DENND2C: variants seen among roughly 807,000 people sequenced by gnomAD.
DENND2C encodes the protein DENN domain-containing protein 2C.
Under a neutral mutation model 112.4 loss-of-function variants are expected in DENND2C, and 72 were observed. The observed-to-expected ratio is 0.64, with a 90% CI of 0.53 to 0.78. The LOEUF (loss-of-function observed/expected upper bound fraction) is 0.78. DENND2C is among the 30% of genes least tolerant of loss of function. The pLI is 0.00. For synonymous variants in DENND2C, 329 were observed against 381.6 expected, an observed-to-expected ratio of 0.86 and a Z score of 1.61; for missense variants, 992 against 1,113.8, an observed-to-expected ratio of 0.89 and a Z score of 1.56.
At chr1:114,647,058 G>A (rs2101685840) in intron 2 of DENND2C, among the ~76,000 whole-genome samples, 1 of 152,168 alleles carries the variant, frequency 6.6e-6, no homozygotes, top group South Asian at 2.1e-4. Flanking sequence ...TACTCAGGGG[G>A]CTGACGCAGG....
At chr1:114,634,110 G>A (rs1422519709) in intron 3 of DENND2C, among the ~76,000 whole-genome samples, 3 of 152,108 alleles carry the variant, frequency 2.0e-5, no homozygotes, top group Non-Finnish European at 4.4e-5. Flanking sequence ...CCTAATAAGA[G>A]TTTCAAAAAT....
intron 3 of DENND2C, among the ~76,000 whole-genome samples, chr1:114,638,417 G>T (rs906181899): frequency 6.6e-6 from 1 of 152,090 alleles, no homozygotes; most frequent in Admixed American, 6.6e-5. Context: ...TGGATACATT[G>T]GACTTCATCA....
chr1:114,650,303 A>G (rs943954380), intron 2 of DENND2C, among the ~76,000 whole-genome samples: 1 of 151,358 alleles, frequency 6.6e-6, no homozygotes, highest in Non-Finnish European at 1.5e-5. Flanking sequence ...AACCTGGGCA[A>G]TAAGAGCGAA....
Position 114,598,337 on chromosome 1 carries a change from G to C in DENND2C, c.2283+937C>G, listed in dbSNP as rs549703170. 1.4e-4 allele frequency among the ~76,000 whole-genome samples: 21 copies of C among 152,254 alleles called. No individual in the cohort carries two copies. In the South Asian group the frequency reaches 4.4e-3, roughly 32 times the overall value. On this transcript the variant is annotated intron_variant, in intron 16 of 20. Transcript: ENST00000393274. ...CTCATCAACATAGATTAATCTTACA[G>C]ATATAATGTTGAGAAAAAGAAGCCA...
At chr1:114,669,143 G>A (rs1245486957) in intron 1 of DENND2C, among the ~76,000 whole-genome samples, 1 of 152,092 alleles carries the variant, frequency 6.6e-6, no homozygotes, top group Non-Finnish European at 1.5e-5. Flanking sequence ...CTAGCTTTAG[G>A]GTAAACGTTT....
rs545198438 is a variant in DENND2C at position 114,655,629 on chromosome 1, G to A, written c.-573-868C>T. ...CTCCCGAGTAGCTGGGATTACAGGC[G>A]CCCACCACCATGCCCAGCTAATCTT... On this transcript the variant is annotated intron_variant, in intron 1 of 20. Transcript: ENST00000393274. 9.2e-5 allele frequency among the ~76,000 whole-genome samples: 14 copies of A among 151,778 alleles called. No homozygotes were observed. The South Asian group carries it at 1.0e-3, about 11-fold the overall frequency.
At chr1:114,608,146 A>G (rs1294060690) in intron 10 of DENND2C, among the ~76,000 whole-genome samples, 2 of 152,058 alleles carry the variant, frequency 1.3e-5, no homozygotes, top group Non-Finnish European at 2.9e-5. Context: ...GTGTGGTGGC[A>G]CACGCCTGTA....
In DENND2C at chr1:114,585,375, A is replaced by T; in HGVS notation, c.*225T>A. 1 of 449,830 alleles carries T rather than the reference A, an allele frequency of 2.2e-6. No homozygotes were observed. The highest frequency in any genetic ancestry group is 4.0e-6 in the Non-Finnish European group (1 of 249,014). 27.9% of individuals were successfully genotyped at this position (449,830 alleles called of 1,614,324 possible). ...CATAGAAAAGGCTGCTATAAAAAAA[A>T]AATGGAGACAGAGTAAAGATGGCAT... On this transcript the variant is annotated 3_prime_UTR_variant, in exon 21 of 21. Coordinates refer to ENST00000393274, the MANE Select transcript of DENND2C (RefSeq NM_001256404.2).
chr1:114,591,702 T>TGA (rs913061426), intron 18 of DENND2C, among the ~76,000 whole-genome samples: 7 of 151,936 alleles, frequency 4.6e-5, no homozygotes, highest in African/African-American at 1.7e-4. Flanking sequence ...ACTGTTTTAT[T>TGA]GACATAAAAT....
At chr1:114,608,971 G>C in intron 9 of DENND2C, 98 bp from the exon 10 acceptor site, 1 of 1,282,030 alleles carries the variant, frequency 7.8e-7, no homozygotes, top group East Asian at 2.3e-5. Flanking sequence ...TCTTCACACA[G>C]TCACTGCTGA....
intron 18 of DENND2C, among the ~76,000 whole-genome samples, chr1:114,594,208 C>T (rs567881122): frequency 3.0e-4 from 46 of 152,144 alleles, no homozygotes; most frequent in Non-Finnish European, 6.2e-4. Flanking sequence ...ATGATGTGAG[C>T]ATGGACCTAC....
intron 16 of DENND2C, 52 bp from the exon 17 acceptor site, chr1:114,595,925 T>G (rs900753637): frequency 4.9e-5 from 74 of 1,521,068 alleles, no homozygotes; most frequent in Non-Finnish European, 6.7e-5. Flanking sequence ...CACAGACAAA[T>G]ACAGGCAATG....
intron 3 of DENND2C, among the ~76,000 whole-genome samples, chr1:114,632,417 A>AT (rs1196243012): frequency 1.9e-4 from 29 of 152,284 alleles, no homozygotes; most frequent in Non-Finnish European, 3.5e-4. Flanking sequence ...AGAGAAAAAA[A>AT]ATATATATAC....
intron 1 of DENND2C, among the ~76,000 whole-genome samples, chr1:114,669,034 C>T (rs1657719013): frequency 6.6e-6 from 1 of 152,204 alleles, no homozygotes; most frequent in African/African-American, 2.4e-5. Context: ...ATAGGACACA[C>T]TCAAACAATG....
At chr1:114,638,039 T>C (rs1262161775) in intron 3 of DENND2C, among the ~76,000 whole-genome samples, 1 of 152,160 alleles carries the variant, frequency 6.6e-6, no homozygotes, top group Non-Finnish European at 1.5e-5. Flanking sequence ...GACTACCTGA[T>C]TTTAAGACTT....
chr1:114,617,452 G>A (rs1443409790), intron 8 of DENND2C, among the ~76,000 whole-genome samples: 4 of 151,754 alleles, frequency 2.6e-5, no homozygotes, highest in African/African-American at 9.7e-5. Flanking sequence ...CTGGGATTAT[G>A]GGCACACGCC....
chr1:114,646,928 G>A (rs1657004490), intron 2 of DENND2C, among the ~76,000 whole-genome samples: 1 of 152,140 alleles, frequency 6.6e-6, no homozygotes, highest in African/African-American at 2.4e-5. Flanking sequence ...GGGAGGCTGA[G>A]GTGGGAGGAT....
intron 2 of DENND2C, among the ~76,000 whole-genome samples, chr1:114,646,314 T>A (rs1038591930): frequency 1.2e-4 from 19 of 152,286 alleles, no homozygotes; most frequent in African/African-American, 4.6e-4. Flanking sequence ...CCACTTGTCA[T>A]TACAGAAAAT....
At chr1:114,652,661 CTTTTTTTT>C (rs55647145) in intron 2 of DENND2C, among the ~76,000 whole-genome samples, 53 of 109,826 alleles carry the variant, frequency 4.8e-4, no homozygotes, top group Non-Finnish European at 8.3e-4. Flanking sequence ...CTTACATTTA[CTTTTTTTT>C]TTTTTTTTTT....
Sources: gnomAD v4.1 joint callset for allele counts (sites outside exome capture counted in the v4.1 genomes callset) on GRCh38, gnomAD v4.1.1 for gene constraint, MANE v1.5 for transcripts, NCBI Gene and HGNC (gene_info 2026-07-23, HGNC 2026-07-21) for gene names.